Variants in ANO1 observed in about 807,000 individuals in gnomAD.
ANO1 encodes anoctamin-1.
In ANO1, 59 loss-of-function variants were observed where a neutral mutation model predicts 124.0. The ratio of observed to expected loss-of-function variants is 0.48; its 90% confidence interval spans 0.39 to 0.59. The LOEUF (loss-of-function observed/expected upper bound fraction) is 0.59, where lower values mean the gene tolerates loss of function less well. ANO1 is among the 20% of genes least tolerant of loss of function. The pLI, the probability that ANO1 is intolerant of heterozygous loss-of-function variation, is 0.00. For missense variants in ANO1, 1,059 were observed against 1,328.0 expected (o/e 0.80, Z 3.15); for synonymous variants, 529 against 532.0 (o/e 0.99, Z 0.08).
At chr11:70,045,003 T>C (rs745866520) in intron 1 of ANO1, among the ~76,000 whole-genome samples, 8 of 152,320 alleles carry the variant, frequency 5.3e-5, no homozygotes, top group Middle Eastern at 3.4e-3. Context: ...GTTTTTAAAT[T>C]ACACTCCCAT....
chr11:70,163,560 CT>C lies in ANO1; in HGVS notation c.1950+221del, dbSNP rs2048137523. The stretch of plus-strand genomic sequence containing the variant: ...AGAATCACCTAGAAGGATAAAGTCG[CT>C]GTAGAGTTAATGAAAGAAAAACACA... On this transcript the variant is annotated intron_variant, in intron 19 of 25. Coordinates refer to ENST00000355303, the MANE Select transcript of ANO1 (RefSeq NM_018043.7). The C allele has an allele frequency of 4.8e-6, 3 of 625,678 alleles. No individual in the cohort carries two copies. The East Asian group carries it at 8.3e-5, about 17-fold the overall frequency. 38.8% of individuals were successfully genotyped at this position (625,678 alleles called of 1,614,324 possible).
intron 16 of ANO1, among the ~76,000 whole-genome samples, chr11:70,158,820 T>G (rs1242943820): frequency 6.8e-6 from 1 of 146,654 alleles, no homozygotes; most frequent in Admixed American, 6.9e-5. Context: ...CTCATCCCCC[T>G]TACCTGGAGA....
chr11:70,165,605 CG>C, intron 20 of ANO1, 35 bp downstream of exon 20: 1 of 1,552,082 alleles, frequency 6.4e-7, no homozygotes, highest in Non-Finnish European at 8.8e-7. Flanking sequence ...GCGGCAGGGG[CG>C]GGGCCAGGCG....
chr11:69,983,079 C>T (rs1855972713), upstream of ANO1, among the ~76,000 whole-genome samples: 1 of 152,116 alleles, frequency 6.6e-6, no homozygotes. Flanking sequence ...TCTGAGCTGA[C>T]ATCTGCTGAG....
intron 6 of ANO1, chr11:70,111,279 C>T (rs2045769312): frequency 2.6e-5 from 12 of 469,228 alleles, no homozygotes; most frequent in South Asian, 1.3e-4. Context: ...TCAATTTTTC[C>T]ATCCGTATAT....
intron 1 of ANO1, among the ~76,000 whole-genome samples, chr11:70,045,329 T>C (rs1213881100): frequency 6.6e-6 from 1 of 152,234 alleles, no homozygotes; most frequent in Non-Finnish European, 1.5e-5. Context: ...AACTCACAAG[T>C]ACTCTAGAAG....
At chr11:70,090,849 A>G (rs1173362774) in intron 2 of ANO1, among the ~76,000 whole-genome samples, 1 of 152,200 alleles carries the variant, frequency 6.6e-6, no homozygotes, top group Non-Finnish European at 1.5e-5. Flanking sequence ...CATGTTTAAG[A>G]TGAAACCGTG....
At chr11:70,185,115 C>A (rs1253248767) in intron 24 of ANO1, among the ~76,000 whole-genome samples, 2 of 152,188 alleles carry the variant, frequency 1.3e-5, no homozygotes, top group African/African-American at 4.8e-5. Flanking sequence ...TTCTGAAGTT[C>A]TGTGGAGCAT....
Position 70,167,386 on chromosome 11 carries a change from G to A in ANO1, c.2196G>A (p.Met732Ile). 6.2e-7 allele frequency: 1 copy of A among 1,610,598 alleles called. No homozygotes were observed. ...FAGLTPEYME[M>I]IIQFGFVTLF... Reference sequence around the variant, plus strand: ...GCCTCACCCCAGAGTACATGGAAATGAGTGAGTGATGGCCGGGGCAGGCAG... The same window carrying A: ...GCCTCACCCCAGAGTACATGGAAATAAGTGAGTGATGGCCGGGGCAGGCAG... The change falls in exon 21 of 26, where the codon ATG (methionine) becomes ATA (isoleucine). Residue 732 changes from methionine (M) to isoleucine (I), a missense_variant and splice_region_variant. Met to Ile is a conservative substitution (Grantham distance 10, BLOSUM62 1). Coordinates refer to ENST00000355303, the MANE Select transcript of ANO1 (RefSeq NM_018043.7).
At chr11:70,144,258 G>A (rs1009404003) in intron 11 of ANO1, among the ~76,000 whole-genome samples, 22 of 152,194 alleles carry the variant, frequency 1.4e-4, no homozygotes, top group Admixed American at 3.9e-4. Context: ...GACCGAGCTG[G>A]GCCGTAAGAG....
intron 22 of ANO1, among the ~76,000 whole-genome samples, chr11:70,176,156 CTT>C (rs56702157): frequency 0.027 from 3,400 of 124,360 alleles, 49 homozygotes; most frequent in Middle Eastern, 0.045. Flanking sequence ...TATATATACA[CTT>C]TTTTTTTTTT....
At position 70,098,864 on chromosome 11, in the gene ANO1, TCTC is replaced by T. The variant is rs1377636601; in HGVS notation, c.442-4199_442-4197del. Among the ~76,000 whole-genome samples the T allele has an allele frequency of 7.9e-5, 12 of 152,222 alleles. No homozygotes were observed. The South Asian group carries it at 1.2e-3, about 16-fold the overall frequency. On this transcript the variant is annotated intron_variant, in intron 2 of 25. Transcript: ENST00000355303. The stretch of plus-strand genomic sequence containing the variant: ...TGTGTATCCACCATGGGGACTCACT[TCTC>T]CTTTCTGTTTGTGATTTTCTTCTTT...
chr11:70,036,206 G>A (rs782208979), intron 1 of ANO1, among the ~76,000 whole-genome samples: 9 of 152,030 alleles, frequency 5.9e-5, no homozygotes, highest in East Asian at 1.9e-4. Context: ...TCCTTGCCCC[G>A]TACAGTCCCT....
At chr11:70,019,906 C>G (rs1432052639) in intron 1 of ANO1, among the ~76,000 whole-genome samples, 1 of 152,274 alleles carries the variant, frequency 6.6e-6, no homozygotes, top group South Asian at 2.1e-4. Flanking sequence ...CCGGCCCAGC[C>G]AGCCCCAGGC....
Position 70,124,344 on chromosome 11 carries a change from C to T in ANO1, c.898-6C>T, listed in dbSNP as rs1349987646. 2 of 1,613,856 alleles carry T rather than the reference C, an allele frequency of 1.2e-6. No individual in the cohort carries two copies. Among genetic ancestry groups the T allele is most frequent in the South Asian group, 1.1e-5 (1 of 91,070 alleles). ...GTCACCAACCCCACTGCTTCCTCCC[C>T]CTCAGCTCCTGTACGAAGAGTGGGC... On this transcript the variant is annotated splice_region_variant and splice_polypyrimidine_tract_variant and intron_variant, in intron 8 of 25. Transcript: ENST00000355303.
At position 70,078,506 on chromosome 11, in the gene ANO1, C is replaced by A; in HGVS notation, c.-101C>A. ...GGGCGCGGGGAGGCCCGGCCCCCTG[C>A]GAGCGCGCCGCGAACGCTGCGGTCT... On this transcript the variant is annotated 5_prime_UTR_variant, in exon 1 of 26. Coordinates refer to ENST00000355303, the MANE Select transcript of ANO1 (RefSeq NM_018043.7). The A allele has an allele frequency of 7.0e-6, 4 of 568,504 alleles. No homozygotes were observed. Among genetic ancestry groups the A allele is most frequent in the African/African-American group, 2.1e-5 (1 of 48,388 alleles). The allele number at this position is 568,504 out of a possible 1,614,324, so 35.2% of individuals were successfully genotyped here.
At position 69,997,608 on chromosome 11, in the gene ANO1, C is replaced by T. The variant is rs1440919130; in HGVS notation, c.58+11442C>T. Among the ~76,000 whole-genome samples the T allele has an allele frequency of 2.6e-5, 4 of 152,294 alleles. 1 individual carries two copies. Among genetic ancestry groups the T allele is most frequent in the East Asian group, 1.9e-4 (1 of 5,166 alleles). On this transcript the variant is annotated intron_variant, in intron 1 of 27. Coordinates refer to the ANO1 transcript ENST00000531349. Reference sequence around the variant, plus strand: ...TCTGATATGGTTTGGAGCTGTGTCCCGCCCAAATCTCACGTTGAAATGTAA... The same window carrying T: ...TCTGATATGGTTTGGAGCTGTGTCCTGCCCAAATCTCACGTTGAAATGTAA...
intron 1 of ANO1, among the ~76,000 whole-genome samples, chr11:70,011,803 C>T (rs1321246561): frequency 2.6e-5 from 4 of 152,196 alleles, no homozygotes; most frequent in African/African-American, 9.6e-5. Flanking sequence ...CTCAAAGGAT[C>T]AATAGATGGC....
At chr11:70,141,859 A>G (rs1364023824) in intron 11 of ANO1, among the ~76,000 whole-genome samples, 1 of 152,064 alleles carries the variant, frequency 6.6e-6, no homozygotes, top group African/African-American at 2.4e-5. Flanking sequence ...TGCTCCTACA[A>G]TGGCAAAGAG....
Sources: gnomAD v4.1 joint callset for allele counts (sites outside exome capture counted in the v4.1 genomes callset) on GRCh38, gnomAD v4.1.1 for gene constraint, MANE v1.5 for transcripts, NCBI Gene and HGNC (gene_info 2026-07-23, HGNC 2026-07-21) for gene names.